The following THSD4 variants were observed in gnomAD, a reference collection of about 807,000 sequenced individuals.
The protein encoded by THSD4 is thrombospondin type 1 domain containing 4, also known as thrombospondin type-1 domain-containing protein 4.
A neutral mutation model predicts 119.0 loss-of-function variants in THSD4; 69 were observed. The ratio of observed to expected loss-of-function variants is 0.58; its 90% CI spans 0.48 to 0.71. The LOEUF is 0.71. Among genes scored for constraint, THSD4 ranks in the 30% least tolerant of loss-of-function variants. THSD4 has a pLI of 0.00. For missense variants in THSD4, 1,393 were observed against 1,391.1 expected (o/e 1.00, Z -0.02); for synonymous variants, 524 against 540.4 (o/e 0.97, Z 0.42).
chr15:71,209,925 T>C (rs1332739683), intron 3 of THSD4, among the ~76,000 whole-genome samples: 1 of 152,234 alleles, frequency 6.6e-6, no homozygotes, highest in African/African-American at 2.4e-5. Flanking sequence ...TCTTCTCTTG[T>C]TCTTCTCTCT....
chr15:71,737,499 A>G (rs558296045), intron 10 of THSD4, among the ~76,000 whole-genome samples: 5 of 152,296 alleles, frequency 3.3e-5, no homozygotes, highest in African/African-American at 1.2e-4. Context: ...TCTATGGCTC[A>G]CAATTCCTGT....
intron 8 of THSD4, among the ~76,000 whole-genome samples, chr15:71,700,812 C>A (rs897452684): frequency 6.6e-6 from 1 of 151,952 alleles, no homozygotes; most frequent in Non-Finnish European, 1.5e-5. Flanking sequence ...ACTCAATAAT[C>A]AGCATTAGGA....
intron 10 of THSD4, chr15:71,733,649 G>A (rs944929966): frequency 6.6e-6 from 1 of 152,092 alleles, no homozygotes; most frequent in Non-Finnish European, 1.5e-5. Flanking sequence ...GTCTGGTGCA[G>A]TGGATCACGC....
rs574553369 is a variant in THSD4, at chr15:71,136,084, G to A, written c.-79-5365G>A. 2.8e-5 allele frequency among the ~76,000 whole-genome samples: 4 copies of A among 143,546 alleles called. No homozygotes were observed. In the South Asian group the frequency reaches 9.2e-4, roughly 33 times the overall value. 94.2% of individuals were successfully genotyped at this position (143,546 alleles called of 152,430 possible). On this transcript the variant is annotated intron_variant, in intron 1 of 17. Transcript: ENST00000261862. Reference sequence around the variant, plus strand: ...TCCCCAAACCCCGTTACTTATCCAGGTGCTGGTTCCCTGTGTCTGAGCTAC... The same window carrying A: ...TCCCCAAACCCCGTTACTTATCCAGATGCTGGTTCCCTGTGTCTGAGCTAC...
chr15:71,368,232 G>A (rs1034284418), intron 6 of THSD4, among the ~76,000 whole-genome samples: 1 of 152,140 alleles, frequency 6.6e-6, no homozygotes, highest in Non-Finnish European at 1.5e-5. Context: ...CATTCTGTAG[G>A]TTGCCTGTTC....
At chr15:71,442,660 G>GTGTGTGTGTA in intron 7 of THSD4, among the ~76,000 whole-genome samples, 6 of 25,824 alleles carry the variant, frequency 2.3e-4, no homozygotes, top group African/African-American at 5.4e-4. Flanking sequence ...GTGTGTGTGT[G>GTGTGTGTGTA]TATATATATA....
rs547513567 is a variant in THSD4 at position 71,239,123 on chromosome 15, G to A, written c.465-3526G>A. Among the ~76,000 whole-genome samples, 226 of 152,310 alleles carry A rather than the reference G, an allele frequency of 1.5e-3. 12 individuals are homozygous for A. The South Asian group carries it at 0.045, about 31-fold the overall frequency. ...CAAATACTTGTATGATGCATACTCT[G>A]TGTGAAGCATTAGGTCATTTGCTCT... On this transcript the variant is annotated intron_variant, in intron 4 of 17. Coordinates refer to ENST00000261862, the MANE Select transcript of THSD4 (RefSeq NM_024817.3).
intron 6 of THSD4, among the ~76,000 whole-genome samples, chr15:71,366,842 C>T (rs2045971573): frequency 6.6e-6 from 1 of 152,118 alleles, no homozygotes; most frequent in South Asian, 2.1e-4. Flanking sequence ...ACCCTGTGTC[C>T]CAACAATTGT....
intron 6 of THSD4, among the ~76,000 whole-genome samples, chr15:71,279,597 G>A (rs979651013): frequency 1.5e-4 from 23 of 152,138 alleles, no homozygotes; most frequent in African/African-American, 5.3e-4. Flanking sequence ...GAGGGTGCCT[G>A]GGGCATCCGT....
intron 7 of THSD4, among the ~76,000 whole-genome samples, chr15:71,458,930 G>A (rs751941703): frequency 3.9e-5 from 6 of 151,940 alleles, no homozygotes; most frequent in Admixed American, 6.6e-5. Context: ...ATTTTCAGTC[G>A]TGCCCACTGT....
chr15:71,266,661 T>A (rs1279165977), intron 6 of THSD4, among the ~76,000 whole-genome samples: 1 of 151,656 alleles, frequency 6.6e-6, no homozygotes, highest in Admixed American at 6.6e-5. Context: ...AACAAACTCC[T>A]CCAAGCTAAA....
intron 7 of THSD4, among the ~76,000 whole-genome samples, chr15:71,478,025 C>A (rs1168433678): frequency 6.6e-6 from 1 of 152,212 alleles, no homozygotes; most frequent in African/African-American, 2.4e-5. Context: ...CAGACCTGTG[C>A]AACTGCTTGC....
At chr15:71,337,831 G>A (rs2045508326) in intron 6 of THSD4, among the ~76,000 whole-genome samples, 2 of 152,118 alleles carry the variant, frequency 1.3e-5, no homozygotes, top group South Asian at 4.2e-4. Flanking sequence ...TGCATGCAAT[G>A]TGATGTAGGC....
intron 6 of THSD4, among the ~76,000 whole-genome samples, chr15:71,307,209 G>T (rs1425309067): frequency 1.3e-5 from 2 of 152,138 alleles, no homozygotes; most frequent in Non-Finnish European, 1.5e-5. Context: ...ACGTGTTAAG[G>T]CTGGCTCAGT....
chr15:71,109,480 C>T (rs893248966), intron 1 of THSD4, among the ~76,000 whole-genome samples: 1 of 152,120 alleles, frequency 6.6e-6, no homozygotes, highest in African/African-American at 2.4e-5. Flanking sequence ...GATCTGAGAA[C>T]TGGAAGGGGC....
chr15:71,155,632 G>A (rs2040769099), intron 3 of THSD4, among the ~76,000 whole-genome samples: 1 of 152,190 alleles, frequency 6.6e-6, no homozygotes, highest in African/African-American at 2.4e-5. Flanking sequence ...GAACCCACTT[G>A]GGAATGGAGG....
At chr15:71,097,048 T>C (rs1000535474) in intron 1 of THSD4, 3 of 152,246 alleles carry the variant, frequency 2.0e-5, no homozygotes, top group African/African-American at 2.4e-5. Context: ...CAGTGTAAAG[T>C]GATTCTTAGT....
chr15:71,554,252 G>A (rs1388682788), intron 7 of THSD4, among the ~76,000 whole-genome samples: 2 of 150,998 alleles, frequency 1.3e-5, no homozygotes, highest in African/African-American at 4.8e-5. Flanking sequence ...GCCATGCCCG[G>A]CTAATTTTTT....
At chr15:71,398,392 A>G (rs745504501) in intron 6 of THSD4, among the ~76,000 whole-genome samples, 5 of 152,112 alleles carry the variant, frequency 3.3e-5, no homozygotes, top group Admixed American at 6.6e-5. Context: ...GGGGAATAAT[A>G]TAGCTTGAGT....
Sources: gnomAD v4.1 joint callset for allele counts (sites outside exome capture counted in the v4.1 genomes callset) on GRCh38, gnomAD v4.1.1 for gene constraint, MANE v1.5 for transcripts, NCBI Gene and HGNC (gene_info 2026-07-23, HGNC 2026-07-21) for gene names.